Variants in CHL1 observed in about 807,000 individuals in gnomAD.
CHL1 encodes neural cell adhesion molecule L1-like protein.
CHL1 carries 96 observed loss-of-function variants against 141.9 expected under a neutral mutation model. The ratio of observed to expected loss-of-function variants is 0.68; its 90% confidence interval spans 0.57 to 0.80. The LOEUF (loss-of-function observed/expected upper bound fraction) is 0.80, where lower values mean the gene tolerates loss of function less well. CHL1 is among the 30% of genes least tolerant of loss of function. The pLI is 0.00. For synonymous variants in CHL1, 613 were observed against 502.2 expected, an observed-to-expected ratio of 1.22 and a Z score of -2.95; for missense variants, 1,820 against 1,457.2, an observed-to-expected ratio of 1.25 and a Z score of -4.05.
intron 11 of CHL1, among the ~76,000 whole-genome samples, chr3:358,592 C>A (rs1374010899): frequency 1.3e-5 from 2 of 152,088 alleles, no homozygotes; most frequent in Admixed American, 1.3e-4. Flanking sequence ...CATTTTAAGT[C>A]ATTCCAATAA....
Position 326,046 on chromosome 3 carries a change from A to C in CHL1, c.179A>C (p.Lys60Thr). 1 of 1,609,792 alleles carries C rather than the reference A, an allele frequency of 6.2e-7. No individual in the cohort carries two copies. Among genetic ancestry groups the C allele is most frequent in the Non-Finnish European group, 8.5e-7 (1 of 1,176,948 alleles). ...TATTTTCAAATTGAATGTGAAGCTA[A>C]AGGAAATCCAGAACCAACGTGAGTA... ...DEYFQIECEA[K>T]GNPEPTFSWT... The change falls in exon 4 of 28, where the codon AAA becomes ACA. Residue 60 changes from lysine (K) to threonine (T), a missense_variant. Transcript: ENST00000256509.
chr3:302,501 G>A (rs137888553), intron 2 of CHL1, among the ~76,000 whole-genome samples: 3,233 of 152,276 alleles, frequency 0.021, 102 homozygotes, highest in African/African-American at 0.075. Flanking sequence ...GACCAGTGAT[G>A]ATGAGCATTT....
At chr3:305,900 T>C (rs1699186911) in intron 2 of CHL1, among the ~76,000 whole-genome samples, 1 of 152,042 alleles carries the variant, frequency 6.6e-6, no homozygotes, top group South Asian at 2.1e-4. Context: ...TACGTGATGA[T>C]AAAAACAGTA....
In CHL1 at chr3:298,933, C is replaced by T. The variant is rs527769834; in HGVS notation, c.-94-20750C>T. 3.2e-4 allele frequency among the ~76,000 whole-genome samples: 49 copies of T among 152,238 alleles called. 1 individual carries two copies. In the South Asian group the frequency reaches 8.9e-3, roughly 28 times the overall value. On this transcript the variant is annotated intron_variant, in intron 2 of 27. Coordinates refer to ENST00000256509, the MANE Select transcript of CHL1 (RefSeq NM_006614.4). Reference sequence around the variant, plus strand: ...GACACAGAACAAGTATCTCAATAGACAGTAATATTTTTTACGATAGTATTA... The same window carrying T: ...GACACAGAACAAGTATCTCAATAGATAGTAATATTTTTTACGATAGTATTA...
intron 2 of CHL1, among the ~76,000 whole-genome samples, chr3:284,520 A>G (rs1574956986): frequency 6.6e-6 from 1 of 152,204 alleles, no homozygotes; most frequent in African/African-American, 2.4e-5. Context: ...AGCCCTACCA[A>G]TGTAAAGGCG....
rs149094433 is a variant in CHL1 at position 363,500 on chromosome 3, G to A, written c.1585+117G>A. On this transcript the variant is annotated intron_variant, in intron 14 of 27. Transcript: ENST00000256509. Reference sequence around the variant, plus strand: ...AGTACCAGATAAAGTTCTTTGAACCGTTTTTCAAAATTCCTAGAATGGGTT... The same window carrying A: ...AGTACCAGATAAAGTTCTTTGAACCATTTTTCAAAATTCCTAGAATGGGTT... The A allele has an allele frequency of 4.8e-4, 466 of 961,238 alleles. 2 individuals are homozygous for A. In the East Asian group the frequency reaches 9.5e-3, roughly 20 times the overall value. The allele number at this position is 961,238 out of a possible 1,614,324, so 59.5% of individuals were successfully genotyped here. A position where few individuals can be genotyped will look rare whatever the true frequency, so the allele number is the denominator to read the frequency against.
At chr3:209,847 C>T (rs367610811) in intron 1 of CHL1, among the ~76,000 whole-genome samples, 1 of 152,178 alleles carries the variant, frequency 6.6e-6, no homozygotes, top group Non-Finnish European at 1.5e-5. Flanking sequence ...AGGTAGGTGC[C>T]GTTGTTTACA....
intron 1 of CHL1, among the ~76,000 whole-genome samples, chr3:215,127 C>A (rs927255383): frequency 2.0e-5 from 3 of 152,102 alleles, no homozygotes; most frequent in Non-Finnish European, 2.9e-5. Context: ...ATGTTGATTG[C>A]AGCATTATTT....
chr3:218,715 CA>C (rs1477378548), intron 1 of CHL1, among the ~76,000 whole-genome samples: 1 of 151,786 alleles, frequency 6.6e-6, no homozygotes, highest in African/African-American at 2.4e-5. Flanking sequence ...ACATAAAGAA[CA>C]AAATAATACT....
intron 27 of CHL1, among the ~76,000 whole-genome samples, 167 bp downstream of exon 27, chr3:401,865 A>G (rs1400490390): frequency 1.3e-5 from 2 of 152,204 alleles, no homozygotes; most frequent in African/African-American, 4.8e-5. Context: ...TAGCAACCAA[A>G]TTTCTGTGTG....
chr3:219,441 A>G (rs1695325), intron 1 of CHL1, among the ~76,000 whole-genome samples: 27,500 of 152,070 alleles, frequency 0.18, 3,136 homozygotes, highest in East Asian at 0.44. Flanking sequence ...ATGCCCATCA[A>G]TGACATCAAT....
chr3:315,733 G>A (rs1394230238), intron 2 of CHL1, among the ~76,000 whole-genome samples: 1 of 152,092 alleles, frequency 6.6e-6, no homozygotes, highest in African/African-American at 2.4e-5. Context: ...GAACCTGAGG[G>A]AGTCAGGAAG....
chr3:228,477 G>GTA (rs762680388), intron 1 of CHL1, among the ~76,000 whole-genome samples: 149 of 112,070 alleles, frequency 1.3e-3, no homozygotes, highest in Middle Eastern at 3.8e-3. Context: ...GTAAATATGT[G>GTA]TACACACACA....
chr3:355,070 G>A (rs2125229363), intron 11 of CHL1, among the ~76,000 whole-genome samples: 1 of 152,220 alleles, frequency 6.6e-6, no homozygotes, highest in South Asian at 2.1e-4. Context: ...AAGGAAAAAA[G>A]CCAATTATTG....
At chr3:277,878 T>C (rs142826027) in intron 2 of CHL1, among the ~76,000 whole-genome samples, 62 of 152,362 alleles carry the variant, frequency 4.1e-4, no homozygotes, top group Admixed American at 2.3e-3. Context: ...TTTAACATTT[T>C]TCTTTTCCAT....
chr3:344,372 C>CT (rs1289434612), intron 8 of CHL1, among the ~76,000 whole-genome samples: 18 of 151,736 alleles, frequency 1.2e-4, no homozygotes, highest in Admixed American at 1.1e-3. Flanking sequence ...TTTTGCAGTG[C>CT]TACGCTCAGT....
Position 350,009 on chromosome 3 carries a change from G to A in CHL1, c.1033+466G>A, listed in dbSNP as rs528744069. Among the ~76,000 whole-genome samples, 64 of 152,286 alleles carry A rather than the reference G, an allele frequency of 4.2e-4. 3 individuals are homozygous for A. The South Asian group carries it at 0.011, about 27-fold the overall frequency. On this transcript the variant is annotated intron_variant, in intron 10 of 27. Transcript: ENST00000256509. ...GGCTCTTCACCAAAGAAGTGAAAGAGGCAGGCAAATTGTTGTGTCAGCTCT... is the reference window on the plus strand; with the variant it reads ...GGCTCTTCACCAAAGAAGTGAAAGAAGCAGGCAAATTGTTGTGTCAGCTCT...
At position 362,421 on chromosome 3, in the gene CHL1, A is replaced by G. The variant is rs181731183; in HGVS notation, c.1418+611A>G. 5.5e-4 allele frequency among the ~76,000 whole-genome samples: 83 copies of G among 152,290 alleles called. No individual in the cohort carries two copies. In the Middle Eastern group the frequency reaches 0.01, roughly 19 times the overall value. On this transcript the variant is annotated intron_variant, in intron 13 of 27. Transcript: ENST00000256509. ...TAGGGTCAGATATTGCCTTTATTTT[A>G]AATCATGATACGTATTTTGTTCATC...
At chr3:222,513 G>A (rs536731755) in intron 1 of CHL1, among the ~76,000 whole-genome samples, 3 of 152,316 alleles carry the variant, frequency 2.0e-5, no homozygotes, top group African/African-American at 7.2e-5. Flanking sequence ...AAGAGCGGGG[G>A]TAGATGGGAA....
Sources: gnomAD v4.1 joint callset for allele counts (sites outside exome capture counted in the v4.1 genomes callset) on GRCh38, gnomAD v4.1.1 for gene constraint, MANE v1.5 for transcripts, NCBI Gene and HGNC (gene_info 2026-07-23, HGNC 2026-07-21) for gene names.